The following HMCN1 variants were observed in gnomAD, a reference collection of about 807,000 sequenced individuals.
HMCN1 encodes hemicentin 1, also known as hemicentin-1.
HMCN1 carries 321 observed loss-of-function variants against 625.9 expected under a neutral mutation model. The ratio of observed to expected loss-of-function variants is 0.51; its 90% CI spans 0.47 to 0.56. The LOEUF (loss-of-function observed/expected upper bound fraction) is 0.56, where lower values mean the gene tolerates loss of function less well. Among genes scored for constraint, HMCN1 ranks in the 20% least tolerant of loss-of-function variants. HMCN1 has a pLI of 0.00. For missense variants in HMCN1, 6,588 were observed against 6,887.3 expected (o/e 0.96, Z 1.54); for synonymous variants, 2,425 against 2,417.6 (o/e 1.00, Z -0.09).
chr1:185,999,394 C>T (rs913954898), intron 25 of HMCN1, among the ~76,000 whole-genome samples: 3 of 151,912 alleles, frequency 2.0e-5, no homozygotes, highest in African/African-American at 7.2e-5. Flanking sequence ...ATTGTTGTAT[C>T]ATTTTTTTTC....
At chr1:185,866,808 G>C (rs1163402802) in intron 4 of HMCN1, among the ~76,000 whole-genome samples, 1 of 151,770 alleles carries the variant, frequency 6.6e-6, no homozygotes, top group Non-Finnish European at 1.5e-5. Context: ...AAGTTTCTAG[G>C]AACATACCAA....
chr1:186,001,714 C>T lies in HMCN1; in HGVS notation c.4321C>T (p.Gln1441Ter). Residue 1441 changes from glutamine to a stop codon, truncating the protein, a stop_gained, in exon 28 of 107, where the codon CAG (glutamine) becomes TAG (stop). Coordinates refer to ENST00000271588, the MANE Select transcript of HMCN1 (RefSeq NM_031935.3). LOFTEE classifies it high-confidence loss of function. ...CKAINIAGTS[Q>*]KYFNIDVLVP... The stretch of plus-strand genomic sequence containing the variant: ...AGCAATTAATATTGCAGGCACTTCT[C>T]AGAAGTACTTTAACATTGATGTGCT... 1 of 1,612,414 alleles carries T rather than the reference C, an allele frequency of 6.2e-7. No homozygotes were observed. The highest frequency in any genetic ancestry group is 8.5e-7 in the Non-Finnish European group (1 of 1,178,818).
chr1:186,145,803 T>A lies in HMCN1; in HGVS notation c.14488T>A (p.Cys4830Ser), dbSNP rs1325468149. The A allele has an allele frequency of 6.2e-7, 1 of 1,614,084 alleles. No homozygotes were observed. The highest frequency in any genetic ancestry group is 1.7e-5 in the Admixed American group (1 of 60,010). Residue 4830 changes from cysteine (C) to serine (S), a missense_variant, in exon 93 of 107, where the codon TGT (cysteine) becomes AGT (serine). Transcript: ENST00000271588. Reference protein sequence around the residue: ...WHSWSQCSASCGGGEKTRKRL... With the variant: ...WHSWSQCSASSGGGEKTRKRL... ...TAGTTGGAGCCAGTGCTCTGCCTCC[T>A]GTGGAGGAGGTGAAAAGACTCGGAA...
intron 1 of HMCN1, among the ~76,000 whole-genome samples, chr1:185,769,654 C>G (rs1249000704): frequency 1.3e-5 from 2 of 152,068 alleles, no homozygotes; most frequent in Non-Finnish European, 2.9e-5. Context: ...TTTAAGACAA[C>G]CACCATTTCA....
chr1:186,001,306 GTAATT>G lies in HMCN1; in HGVS notation c.4079_4083del (p.Val1360GlufsTer3). ...CTCCTCTCTTTTTGCAGTTCCTCCA[GTAATT>G]AAAGATAAAGAACAAGTTACAAATG... On this transcript the variant is annotated frameshift_variant, in exon 27 of 107. Coordinates refer to ENST00000271588, the MANE Select transcript of HMCN1 (RefSeq NM_031935.3). LOFTEE classifies it high-confidence loss of function. 1 of 1,610,996 alleles carries G rather than the reference GTAATT, an allele frequency of 6.2e-7. No individual in the cohort carries two copies. The highest frequency in any genetic ancestry group is 1.3e-5 in the African/African-American group (1 of 74,882).
chr1:186,165,077 A>C, intron 97 of HMCN1, 34 bp from the exon 98 acceptor site: 2 of 1,595,672 alleles, frequency 1.3e-6, no homozygotes, highest in African/African-American at 2.7e-5. Flanking sequence ...CTATTCCAAT[A>C]AGCCAGTTAA....
chr1:185,865,653 G>A, intron 3 of HMCN1, 88 bp from the exon 4 acceptor site: 1 of 1,033,572 alleles, frequency 9.7e-7, no homozygotes, highest in Non-Finnish European at 1.4e-6. Context: ...TACTTGCCCA[G>A]TAATGTAACA....
At chr1:185,953,157 A>C (rs927237037) in intron 11 of HMCN1, among the ~76,000 whole-genome samples, 1 of 150,976 alleles carries the variant, frequency 6.6e-6, no homozygotes, top group African/African-American at 2.5e-5. Flanking sequence ...ACTGAGGGGT[A>C]CTTGCCCCTC....
At chr1:186,113,000 G>A (rs750056257) in intron 72 of HMCN1, 47 bp downstream of exon 72, 49 of 1,601,902 alleles carry the variant, frequency 3.1e-5, no homozygotes, top group Non-Finnish European at 9.4e-6. Context: ...TCTGACCAAG[G>A]GCATTCAAAG....
At chr1:185,912,902 C>T (rs1026273605) in intron 6 of HMCN1, among the ~76,000 whole-genome samples, 4 of 152,174 alleles carry the variant, frequency 2.6e-5, no homozygotes, top group African/African-American at 9.6e-5. Flanking sequence ...TTGTCTGTTT[C>T]CTTACATAAA....
chr1:185,939,422 T>C (rs1667976691), intron 11 of HMCN1, among the ~76,000 whole-genome samples: 1 of 152,194 alleles, frequency 6.6e-6, no homozygotes, highest in South Asian at 2.1e-4. Context: ...AAGCAAACAC[T>C]GCTATGCTAG....
intron 36 of HMCN1, 94 bp downstream of exon 36, chr1:186,023,247 A>G: frequency 8.7e-7 from 1 of 1,154,054 alleles, no homozygotes; most frequent in Non-Finnish European, 1.3e-6. Flanking sequence ...TATAAAAGAA[A>G]CAGGTGTTTA....
rs1407535160 is a variant in HMCN1 at position 186,132,402 on chromosome 1, T to A, written c.13305T>A (p.Thr4435=). 6.2e-7 allele frequency: 1 copy of A among 1,610,486 alleles called. No individual in the cohort carries two copies. The highest frequency in any genetic ancestry group is 1.1e-5 in the South Asian group (1 of 90,664). The part of the protein sequence containing the change: ...AGVVERSMSL[T]LQSPPIITLE... ...TGGTGGAGCGCAGCATGAGTCTGACTCTGCAAAGTAAGCTGCTTAATGAAA... is the reference window on the plus strand; with the variant it reads ...TGGTGGAGCGCAGCATGAGTCTGACACTGCAAAGTAAGCTGCTTAATGAAA... Residue 4435 remains threonine, a synonymous_variant, in exon 86 of 107, where the codon ACT becomes ACA. Transcript: ENST00000271588.
intron 36 of HMCN1, among the ~76,000 whole-genome samples, chr1:186,033,206 A>G (rs1382810837): frequency 2.0e-5 from 3 of 152,168 alleles, no homozygotes; most frequent in African/African-American, 7.2e-5. Context: ...TGGAAAACCA[A>G]ACATCGCATG....
chr1:185,934,088 TC>T (rs1667696108), intron 11 of HMCN1, among the ~76,000 whole-genome samples: 2 of 152,188 alleles, frequency 1.3e-5, no homozygotes, highest in Non-Finnish European at 2.9e-5. Context: ...ATAAAAATTG[TC>T]TCTGGATAAA....
At chr1:186,185,913 A>C (rs1377240497) in intron 105 of HMCN1, among the ~76,000 whole-genome samples, 1 of 152,210 alleles carries the variant, frequency 6.6e-6, no homozygotes, top group African/African-American at 2.4e-5. Flanking sequence ...CCAATGCTAT[A>C]TGCAGCCAAT....
intron 1 of HMCN1, among the ~76,000 whole-genome samples, chr1:185,744,093 A>G (rs941109472): frequency 3.5e-5 from 5 of 142,778 alleles, no homozygotes; most frequent in Admixed American, 7.7e-5. Context: ...GGTTCACGCC[A>G]TTCTCCTGCC....
At position 186,065,378 on chromosome 1, in the gene HMCN1, G is replaced by A. The variant is rs758290396; in HGVS notation, c.7654G>A (p.Ala2552Thr). The A allele has an allele frequency of 6.2e-7, 1 of 1,610,962 alleles. No individual in the cohort carries two copies. The highest frequency in any genetic ancestry group is 1.1e-5 in the South Asian group (1 of 90,938). The change falls in exon 49 of 107, where the codon GCT becomes ACT. Residue 2552 changes from alanine to threonine, a missense_variant. Ala to Thr is a moderately conservative substitution (Grantham distance 58). Coordinates refer to ENST00000271588, the MANE Select transcript of HMCN1 (RefSeq NM_031935.3). Reference protein sequence around the residue: ...VPHTGRYTCLASSPAGHKSRS... With the variant: ...VPHTGRYTCLTSSPAGHKSRS... ...ACACACTGGAAGATATACATGTTTG[G>A]CTTCCAGTCCAGCTGGCCACAAGAG... is the stretch of plus-strand genomic sequence containing the variant.
At chr1:186,101,480 T>TA (rs1368199305) in intron 68 of HMCN1, among the ~76,000 whole-genome samples, 2 of 152,166 alleles carry the variant, frequency 1.3e-5, no homozygotes, top group African/African-American at 4.8e-5. Context: ...GTTTATTTGA[T>TA]AATTGCATTT....
Sources: gnomAD v4.1 joint callset for allele counts (sites outside exome capture counted in the v4.1 genomes callset) on GRCh38, gnomAD v4.1.1 for gene constraint, MANE v1.5 for transcripts, NCBI Gene and HGNC (gene_info 2026-07-23, HGNC 2026-07-21) for gene names.